Variants in STK32B observed in about 807,000 individuals in gnomAD.
STK32B encodes serine/threonine kinase 32B, also known as serine/threonine-protein kinase 32B.
STK32B carries 43 observed loss-of-function variants against 52.6 expected under a neutral mutation model. That is an observed-to-expected ratio of 0.82 (90% CI 0.64 to 1.05). STK32B has a LOEUF of 1.05. STK32B is among the 50% of genes least tolerant of loss of function. STK32B has a pLI of 0.00. For missense variants in STK32B, 621 were observed against 534.6 expected (o/e 1.16, Z -1.59); for synonymous variants, 238 against 204.3 (o/e 1.17, Z -1.41).
rs757354098 is a variant in STK32B, at chr4:5,437,842, G to A, written c.563-8831G>A. The A allele has an allele frequency of 1.9e-5, 17 of 897,640 alleles. No individual in the cohort carries two copies. The East Asian group carries it at 4.8e-4, about 25-fold the overall frequency. The allele number at this position is 897,640 out of a possible 1,614,324, so 55.6% of individuals were successfully genotyped here. Reference sequence around the variant, plus strand: ...CTCTAAACCTGTGTAGTTCTCTCACGTCTAAGTGCTGGGATTCTGAACAGC... The same window carrying A: ...CTCTAAACCTGTGTAGTTCTCTCACATCTAAGTGCTGGGATTCTGAACAGC... On this transcript the variant is annotated intron_variant, in intron 6 of 11. Transcript: ENST00000282908.
At chr4:5,126,209 T>A (rs1715354794) in intron 1 of STK32B, among the ~76,000 whole-genome samples, 1 of 152,228 alleles carries the variant, frequency 6.6e-6, no homozygotes, top group African/African-American at 2.4e-5. Context: ...GTTAAAATTG[T>A]TTTAGTTCTC....
chr4:5,257,263 G>A (rs1726382990), intron 3 of STK32B, among the ~76,000 whole-genome samples: 1 of 147,838 alleles, frequency 6.8e-6, no homozygotes. Context: ...GAATGAATGA[G>A]TGAATGATGA....
intron 4 of STK32B, among the ~76,000 whole-genome samples, chr4:5,392,999 G>C: frequency 6.6e-6 from 1 of 152,202 alleles, no homozygotes; most frequent in South Asian, 2.1e-4. Flanking sequence ...ATGATGTGTT[G>C]TCATTTCTTA....
intron 1 of STK32B, among the ~76,000 whole-genome samples, chr4:5,117,429 T>C (rs1714792375): frequency 6.6e-6 from 1 of 152,246 alleles, no homozygotes; most frequent in African/African-American, 2.4e-5. Flanking sequence ...GAATTACATT[T>C]ATTTAAATTT....
At chr4:5,173,393 G>A (rs901206055) in intron 3 of STK32B, among the ~76,000 whole-genome samples, 28 of 152,072 alleles carry the variant, frequency 1.8e-4, no homozygotes, top group African/African-American at 6.5e-4. Context: ...TAATTGTGAT[G>A]TTAGCGTGTC....
chr4:5,276,452 T>G (rs1400630416), intron 3 of STK32B, among the ~76,000 whole-genome samples: 1 of 152,148 alleles, frequency 6.6e-6, no homozygotes, highest in Non-Finnish European at 1.5e-5. Flanking sequence ...TCTAGACACT[T>G]CTTGGGGCTA....
intron 7 of STK32B, among the ~76,000 whole-genome samples, chr4:5,449,194 T>A (rs1715749985): frequency 6.6e-6 from 1 of 152,072 alleles, no homozygotes; most frequent in Admixed American, 6.5e-5. Flanking sequence ...TACAAAAAAA[T>A]TATCCTGGCA....
At chr4:5,364,118 C>T (rs188786503) in intron 4 of STK32B, among the ~76,000 whole-genome samples, 41 of 152,198 alleles carry the variant, frequency 2.7e-4, no homozygotes, top group Middle Eastern at 3.4e-3. Flanking sequence ...AGGACAAAGT[C>T]TTAATGCCTT....
chr4:5,257,058 T>TGTGA (rs140877886), intron 3 of STK32B, among the ~76,000 whole-genome samples: 25,260 of 150,126 alleles, frequency 0.17, 2,564 homozygotes, highest in African/African-American at 0.31. Flanking sequence ...TGAATGAATA[T>TGTGA]GTGAGTAAAT....
At chr4:5,316,181 A>ATATATAC (rs1560309996) in intron 3 of STK32B, among the ~76,000 whole-genome samples, 1 of 91,650 alleles carries the variant, frequency 1.1e-5, no homozygotes, top group African/African-American at 4.9e-5. Context: ...ATATATAACT[A>ATATATAC]AATATATATA....
chr4:5,336,312 A>G (rs920257258), intron 4 of STK32B, among the ~76,000 whole-genome samples: 13 of 152,056 alleles, frequency 8.5e-5, no homozygotes, highest in African/African-American at 3.1e-4. Flanking sequence ...AGGACACCTT[A>G]AAGTGTAGGT....
chr4:5,347,234 G>A (rs1281427884), intron 4 of STK32B, among the ~76,000 whole-genome samples: 5 of 152,208 alleles, frequency 3.3e-5, no homozygotes, highest in Non-Finnish European at 5.9e-5. Context: ...TAAGAACAGA[G>A]CCTGACTCTT....
At chr4:5,093,463 C>G (rs975191223) in intron 1 of STK32B, among the ~76,000 whole-genome samples, 2 of 150,940 alleles carry the variant, frequency 1.3e-5, no homozygotes, top group African/African-American at 4.9e-5. Flanking sequence ...ATCGCAAGGA[C>G]AAAAAACCAA....
intron 3 of STK32B, among the ~76,000 whole-genome samples, chr4:5,246,489 A>G (rs1411635018): frequency 1.3e-5 from 2 of 151,962 alleles, no homozygotes; most frequent in Non-Finnish European, 2.9e-5. Flanking sequence ...TTTTTTTCAA[A>G]GTTTTTAACT....
At position 5,249,552 on chromosome 4, in the gene STK32B, T is replaced by C. The variant is rs547127002; in HGVS notation, c.260+81102T>C. Among the ~76,000 whole-genome samples, 3 of 151,844 alleles carry C rather than the reference T, an allele frequency of 2.0e-5. No individual in the cohort carries two copies. The South Asian group carries it at 6.3e-4, about 32-fold the overall frequency. ...CTTCTCTCCTTCCTTCTTTTCTTTC[T>C]TAATTATATAAGCATATGCAAGGGT... On this transcript the variant is annotated intron_variant, in intron 3 of 11. Transcript: ENST00000282908.
intron 1 of STK32B, among the ~76,000 whole-genome samples, chr4:5,097,158 A>G (rs747091785): frequency 1.3e-5 from 2 of 152,142 alleles, no homozygotes; most frequent in East Asian, 3.9e-4. Flanking sequence ...TGCCCATGGT[A>G]TTTTTGTTGT....
chr4:5,466,857 TC>T, intron 10 of STK32B, 23 bp downstream of exon 10: 1 of 1,607,736 alleles, frequency 6.2e-7, no homozygotes, highest in Non-Finnish European at 8.5e-7. Flanking sequence ...TGGGAGCCGT[TC>T]CGGGAGAGAA....
At chr4:5,440,310 G>T (rs1714596275) in intron 6 of STK32B, among the ~76,000 whole-genome samples, 2 of 152,124 alleles carry the variant, frequency 1.3e-5, no homozygotes, top group Admixed American at 1.3e-4. Context: ...TCCTTGAAGA[G>T]GTCCTACACA....
At chr4:5,301,696 T>C (rs1418752169) in intron 3 of STK32B, among the ~76,000 whole-genome samples, 1 of 150,112 alleles carries the variant, frequency 6.7e-6, no homozygotes, top group South Asian at 2.1e-4. Flanking sequence ...CTAGCTAAAG[T>C]TTTGTAATTT....
Sources: allele counts gnomAD v4.1 joint callset (sites outside exome capture counted in the v4.1 genomes callset), GRCh38; gene constraint gnomAD v4.1.1; transcripts MANE v1.5; gene names NCBI Gene and HGNC (gene_info 2026-07-23, HGNC 2026-07-21).